The following ERAP1 variants were observed in gnomAD, a reference collection of about 807,000 sequenced individuals.
The protein encoded by ERAP1 is endoplasmic reticulum aminopeptidase 1, also known as adipocyte-derived leucine aminopeptidase.
ERAP1 carries 86 observed loss-of-function variants against 103.7 expected under a neutral mutation model. That is an observed-to-expected ratio of 0.83 (90% CI 0.70 to 0.99). The LOEUF (loss-of-function observed/expected upper bound fraction) is 0.99. Ranked by LOEUF, ERAP1 falls within the 50% of genes least tolerant of loss-of-function variation. The pLI, the probability that ERAP1 is intolerant of heterozygous loss-of-function variation, is 0.00. For missense variants in ERAP1, 1,009 were observed against 1,128.4 expected (o/e 0.89, Z 1.52); for synonymous variants, 398 against 402.4 (o/e 0.99, Z 0.13).
the ERAP1 span, among the ~76,000 whole-genome samples, chr5:96,911,350 T>C: frequency 6.6e-6 from 1 of 152,234 alleles, no homozygotes; most frequent in African/African-American, 2.4e-5. Context: ...ATAACAGTTC[T>C]TATTGATCCG....
the ERAP1 span, chr5:96,912,704 C>T: frequency 1.1e-5 from 17 of 1,606,766 alleles, 1 homozygote; most frequent in African/African-American, 1.3e-5. Context: ...ATGGAATTAC[C>T]TTTTAGAGCA....
Position 96,775,027 on chromosome 5 carries a change from G to A in ERAP1, c.*1369C>T, listed in dbSNP as rs1347733862. The A allele has an allele frequency of 3.0e-5, 30 of 984,706 alleles. No individual in the cohort carries two copies. Among genetic ancestry groups the A allele is most frequent in the East Asian group, 1.1e-4 (1 of 8,966 alleles). 61.0% of individuals were successfully genotyped at this position (984,706 alleles called of 1,614,324 possible). On this transcript the variant is annotated 3_prime_UTR_variant, in exon 19 of 19. Coordinates refer to ENST00000443439, the MANE Select transcript of ERAP1 (RefSeq NM_001040458.3). ...AGGATTTCCGCACCTTAGAGTCAGC[G>A]CAAAACACGCTGCAACTTGAATCAA... is the stretch of plus-strand genomic sequence containing the variant.
At chr5:96,925,729 C>T in the ERAP1 span, among the ~76,000 whole-genome samples, 1 of 151,972 alleles carries the variant, frequency 6.6e-6, no homozygotes, top group African/African-American at 2.4e-5. Context: ...GCTTAGGGTT[C>T]CATTTGGGAA....
At chr5:96,870,651 G>T in the ERAP1 span, among the ~76,000 whole-genome samples, 2 of 152,120 alleles carry the variant, frequency 1.3e-5, no homozygotes, top group African/African-American at 2.4e-5. Context: ...AACCCAGTTG[G>T]TTCAAAAATC....
the ERAP1 span, among the ~76,000 whole-genome samples, chr5:96,888,210 T>TA: frequency 0.018 from 2,758 of 152,234 alleles, 101 homozygotes; most frequent in African/African-American, 0.062. Context: ...ACATATGTAT[T>TA]ATGTTCATGA....
At chr5:96,886,740 T>C in the ERAP1 span, 6 of 1,539,144 alleles carry the variant, frequency 3.9e-6, no homozygotes, top group South Asian at 1.2e-5. Flanking sequence ...GTAGCCTACA[T>C]AGTTTGTGAT....
In ERAP1 at chr5:96,790,276, G is replaced by A; in HGVS notation, c.1524+20C>T. The A allele has an allele frequency of 6.2e-7, 1 of 1,610,464 alleles. No individual in the cohort carries two copies. The highest frequency in any genetic ancestry group is 8.5e-7 in the Non-Finnish European group (1 of 1,176,752). The stretch of plus-strand genomic sequence containing the variant: ...TAAAAGAATGTGCTTGGGGGAACAT[G>A]TACAGATATAGAAACTTACTGAGGA... On this transcript the variant is annotated intron_variant, in intron 10 of 18. Coordinates refer to ENST00000443439, the MANE Select transcript of ERAP1 (RefSeq NM_001040458.3).
At chr5:96,911,692 T>C in the ERAP1 span, among the ~76,000 whole-genome samples, 7 of 151,438 alleles carry the variant, frequency 4.6e-5, no homozygotes, top group Non-Finnish European at 8.8e-5. Context: ...GTCAACATAG[T>C]GAGAGCCCAT....
the ERAP1 span, chr5:96,886,593 A>G: frequency 7.2e-7 from 1 of 1,391,076 alleles, no homozygotes; most frequent in Admixed American, 2.0e-5. Context: ...GCCATAAGTC[A>G]TAGGCATGGT....
chr5:96,811,368 C>T (rs1779145718), upstream of ERAP1, among the ~76,000 whole-genome samples: 1 of 152,204 alleles, frequency 6.6e-6, no homozygotes, highest in African/African-American at 2.4e-5. Flanking sequence ...ATGGGATCCT[C>T]ACATTGTACT....
chr5:96,921,647 C>T, the ERAP1 span, among the ~76,000 whole-genome samples: 2 of 152,280 alleles, frequency 1.3e-5, no homozygotes, highest in South Asian at 4.1e-4. Context: ...TCCAGATGTC[C>T]TAATCCTCTA....
chr5:96,879,996 C>T, the ERAP1 span: 1 of 1,614,190 alleles, frequency 6.2e-7, no homozygotes, highest in South Asian at 1.1e-5. Context: ...GTCAGCAATG[C>T]TACCCAGTTT....
chr5:96,790,239 A>C, intron 10 of ERAP1, 57 bp downstream of exon 10: 1 of 1,526,304 alleles, frequency 6.6e-7, no homozygotes, highest in Non-Finnish European at 9.1e-7. Context: ...CTGCCTTTCA[A>C]AGAATATGCA....
chr5:96,807,104 G>A (rs962691479), intron 1 of ERAP1, among the ~76,000 whole-genome samples: 4 of 152,164 alleles, frequency 2.6e-5, no homozygotes, highest in African/African-American at 7.2e-5. Flanking sequence ...AAAGCGTGAG[G>A]AAGTGTGTGC....
intron 3 of ERAP1, among the ~76,000 whole-genome samples, chr5:96,800,033 G>A (rs1174024496): frequency 6.6e-6 from 1 of 152,190 alleles, no homozygotes. Flanking sequence ...TCAGCACAGG[G>A]ACAAAGCTGT....
At chr5:96,901,121 A>G in the ERAP1 span, among the ~76,000 whole-genome samples, 3 of 152,080 alleles carry the variant, frequency 2.0e-5, no homozygotes, top group Non-Finnish European at 2.9e-5. Flanking sequence ...AAAGACAGAT[A>G]TTTCCCTCGT....
chr5:96,785,583 A>G, intron 13 of ERAP1: 1 of 599,416 alleles, frequency 1.7e-6, no homozygotes. Context: ...TAAGATACAG[A>G]TTCCTTCCTT....
chr5:96,771,507 T>C (rs1264800791), downstream of ERAP1: 20 of 603,902 alleles, frequency 3.3e-5, no homozygotes, highest in Non-Finnish European at 5.9e-5. Flanking sequence ...TGTGGCCAGA[T>C]GAAGAAGAGA....
upstream of ERAP1, among the ~76,000 whole-genome samples, chr5:96,810,059 A>G (rs1005077158): frequency 6.6e-6 from 1 of 151,496 alleles, no homozygotes; most frequent in Admixed American, 6.6e-5. Flanking sequence ...GCGAGGAGAG[A>G]GCTGACACCA....
Sources: allele counts gnomAD v4.1 joint callset (sites outside exome capture counted in the v4.1 genomes callset), GRCh38; gene constraint gnomAD v4.1.1; transcripts MANE v1.5; gene names NCBI Gene and HGNC (gene_info 2026-07-23, HGNC 2026-07-21).